Variants in IGF2R observed in about 807,000 individuals in gnomAD.
IGF2R encodes the protein cation-independent mannose-6-phosphate receptor.
IGF2R carries 91 observed loss-of-function variants against 270.6 expected under a neutral mutation model. That is an observed-to-expected ratio of 0.34 (90% confidence interval 0.28 to 0.40). IGF2R has a LOEUF of 0.40. IGF2R is among the 10% of genes least tolerant of loss of function. The pLI is 1.00. For missense variants in IGF2R, 2,805 were observed against 3,188.3 expected (o/e 0.88, Z 2.90); for synonymous variants, 1,316 against 1,258.9 (o/e 1.05, Z -0.96).
chr6:159,969,378 G>A lies in IGF2R; in HGVS notation c.132G>A (p.Pro44=), dbSNP rs925244754. ...APGSTQAQAA[P]FPELCSYTWE... is the part of the protein sequence containing the mutation. ...GGTCCACGCAGGCCCAGGCCGCCCC[G>A]TTCCCCGAGCTGTGCAGGTGGGTGG... Residue 44 remains proline (P), a synonymous_variant, in exon 1 of 48, where the codon CCG becomes CCA. Coordinates refer to ENST00000356956, the MANE Select transcript of IGF2R (RefSeq NM_000876.4). 3 of 1,275,058 alleles carry A rather than the reference G, an allele frequency of 2.4e-6. No homozygotes were observed. Among genetic ancestry groups the A allele is most frequent in the African/African-American group, 3.1e-5 (2 of 64,660 alleles). The allele number at this position is 1,275,058 out of a possible 1,614,324, so 79.0% of individuals were successfully genotyped here.
chr6:160,034,669 G>A, intron 10 of IGF2R, 147 bp downstream of exon 10: 1 of 517,278 alleles, frequency 1.9e-6, no homozygotes, highest in South Asian at 3.2e-5. Context: ...CCCCAGACTG[G>A]GTTTTTTCTG....
At chr6:160,014,501 C>G (rs1777240664) in intron 4 of IGF2R, among the ~76,000 whole-genome samples, 1 of 152,176 alleles carries the variant, frequency 6.6e-6, no homozygotes, top group African/African-American at 2.4e-5. Context: ...CCAGTAGTTG[C>G]TACCTGCCCC....
rs376736517 is a variant in IGF2R at position 160,060,532 on chromosome 6, C to G, written c.3092-15C>G. On this transcript the variant is annotated splice_polypyrimidine_tract_variant and intron_variant, in intron 22 of 47. Coordinates refer to ENST00000356956, the MANE Select transcript of IGF2R (RefSeq NM_000876.4). ...CTGTTCTGTCTCTTAAAATCTGGGC[C>G]TTCTTGCTTTACAGGTACCGCTGAT... The G allele has an allele frequency of 3.7e-6, 6 of 1,613,724 alleles. No homozygotes were observed. The African/African-American group carries it at 8.0e-5, about 22-fold the overall frequency.
chr6:160,020,898 T>A (rs1264520587), intron 4 of IGF2R, among the ~76,000 whole-genome samples: 1 of 152,208 alleles, frequency 6.6e-6, no homozygotes, highest in Non-Finnish European at 1.5e-5. Flanking sequence ...GGCAAAGAAT[T>A]CATGACTAAG....
At chr6:159,993,253 G>C (rs898544016) in intron 2 of IGF2R, among the ~76,000 whole-genome samples, 4 of 152,008 alleles carry the variant, frequency 2.6e-5, no homozygotes, top group Non-Finnish European at 5.9e-5. Flanking sequence ...ATCTTACTTG[G>C]CTATTTTTGT....
intron 44 of IGF2R, chr6:160,093,508 G>T (rs1779277948): frequency 3.5e-6 from 2 of 578,350 alleles, no homozygotes; most frequent in Non-Finnish European, 6.4e-6. Flanking sequence ...CAAATCACAC[G>T]TCTGTACAGC....
In IGF2R at chr6:160,061,806, G is replaced by T; in HGVS notation, c.3460G>T (p.Val1154Leu). ...AGAAGGCAATAGCTGGAATCTGGGT[G>T]TGGTGCAGATGAGTCCCCAAGCCGC... ...VSEGNSWNLG[V>L]VQMSPQAAAN... is the part of the protein sequence containing the mutation. Residue 1154 changes from valine to leucine, a missense_variant, in exon 25 of 48, where the codon GTG (valine) becomes TTG (leucine). By Grantham distance (32) the Val-to-Leu change is conservative. Transcript: ENST00000356956. The T allele has an allele frequency of 4.3e-6, 7 of 1,614,202 alleles. No individual in the cohort carries two copies. Among genetic ancestry groups the T allele is most frequent in the South Asian group, 1.1e-5 (1 of 91,080 alleles).
At chr6:160,058,828 G>C (rs1180666204) in intron 21 of IGF2R, 78 bp from the exon 22 acceptor site, 11 of 1,236,680 alleles carry the variant, frequency 8.9e-6, no homozygotes, top group Non-Finnish European at 1.3e-5. Flanking sequence ...AGTGGGATTT[G>C]GAGTTGCTAG....
intron 45 of IGF2R, among the ~76,000 whole-genome samples, chr6:160,097,255 A>G (rs1256718636): frequency 2.0e-5 from 3 of 152,222 alleles, no homozygotes; most frequent in African/African-American, 4.8e-5. Context: ...CACGAATAAC[A>G]TGTTGTCAGT....
At chr6:159,981,359 T>TTGTCTGAGTGCGTGTGTCTC (rs1783801119) in intron 1 of IGF2R, among the ~76,000 whole-genome samples, 1 of 151,858 alleles carries the variant, frequency 6.6e-6, no homozygotes, top group Non-Finnish European at 1.5e-5. Context: ...GTGAGTGTGT[T>TTGTCTGAGTGCGTGTGTCTC]TGTCTGAGTG....
intron 1 of IGF2R, among the ~76,000 whole-genome samples, chr6:159,979,301 C>G (rs1783743044): frequency 6.6e-6 from 1 of 152,178 alleles, no homozygotes; most frequent in Admixed American, 6.5e-5. Flanking sequence ...CCACCCTGGC[C>G]TGCAAATAGA....
chr6:159,996,273 G>A (rs1295654021), intron 2 of IGF2R, among the ~76,000 whole-genome samples: 1 of 152,190 alleles, frequency 6.6e-6, no homozygotes, highest in East Asian at 1.9e-4. Context: ...ATATTGGGTT[G>A]TGCAGGCCAG....
At chr6:160,074,092 T>A in intron 35 of IGF2R, 117 bp downstream of exon 35, 2 of 704,052 alleles carry the variant, frequency 2.8e-6, no homozygotes, top group Non-Finnish European at 4.9e-6. Context: ...ATGGAGAAAG[T>A]AAGTGGGACT....
intron 7 of IGF2R, among the ~76,000 whole-genome samples, chr6:160,031,818 T>TA (rs1257203077): frequency 6.6e-6 from 1 of 152,260 alleles, no homozygotes; most frequent in Non-Finnish European, 1.5e-5. Flanking sequence ...GCAGCACGGC[T>TA]ATGCCCGGTG....
chr6:160,079,667 TG>T lies in IGF2R; in HGVS notation c.5567del (p.Cys1856PhefsTer17). The T allele has an allele frequency of 6.4e-7, 1 of 1,566,860 alleles. No homozygotes were observed. Among genetic ancestry groups the T allele is most frequent in the Non-Finnish European group, 8.6e-7 (1 of 1,156,952 alleles). ...AGGAGGCTGTAAGGACGGAGGAGTC[TG>T]TCTGCTCTCAGGCACCAAGGGGGCA... ...EQGGCKDGGV[C>X]LLSGTKGASF... On this transcript the variant is annotated frameshift_variant, in exon 38 of 48. Coordinates refer to ENST00000356956, the MANE Select transcript of IGF2R (RefSeq NM_000876.4). LOFTEE classifies it high-confidence loss of function.
At chr6:159,974,421 C>T (rs1013972949) in intron 1 of IGF2R, among the ~76,000 whole-genome samples, 1 of 152,132 alleles carries the variant, frequency 6.6e-6, no homozygotes, top group African/African-American at 2.4e-5. Flanking sequence ...CTCCTCATGT[C>T]TTCTGGGTAC....
At chr6:159,991,942 G>T (rs1323578635) in intron 2 of IGF2R, among the ~76,000 whole-genome samples, 4 of 152,218 alleles carry the variant, frequency 2.6e-5, no homozygotes, top group African/African-American at 9.6e-5. Context: ...TAATATATCA[G>T]CACCAGGTTA....
rs1778032411 is a variant in IGF2R, at chr6:160,044,771, T to G, written c.1765+114T>G. The G allele has an allele frequency of 9.5e-6, 8 of 842,656 alleles. 1 individual carries two copies. Among genetic ancestry groups the G allele is most frequent in the African/African-American group, 1.8e-5 (1 of 56,854 alleles). The allele number at this position is 842,656 out of a possible 1,614,324, so 52.2% of individuals were successfully genotyped here. ...AAGCTGATCAGACAGATTGGCATGG[T>G]GTTCAGCATTTTGAGTTCCAGACTC... On this transcript the variant is annotated intron_variant, in intron 13 of 47. Coordinates refer to ENST00000356956, the MANE Select transcript of IGF2R (RefSeq NM_000876.4).
intron 29 of IGF2R, among the ~76,000 whole-genome samples, chr6:160,065,814 G>GTGTATGTATATATATATATA: frequency 3.8e-5 from 3 of 78,388 alleles, no homozygotes; most frequent in Admixed American, 1.6e-4. Flanking sequence ...GTGTGTGTGT[G>GTGTATGTATATATATATATA]TATATATATA....
Sources: gnomAD v4.1 joint callset for allele counts (sites outside exome capture counted in the v4.1 genomes callset) on GRCh38, gnomAD v4.1.1 for gene constraint, MANE v1.5 for transcripts, NCBI Gene and HGNC (gene_info 2026-07-23, HGNC 2026-07-21) for gene names.